The following CTNNA2 variants were observed in gnomAD, a reference collection of about 807,000 sequenced individuals.
The protein encoded by CTNNA2 is catenin alpha 2.
Under a neutral mutation model 101.0 loss-of-function variants are expected in CTNNA2, and 42 were observed. The ratio of observed to expected loss-of-function variants is 0.42; its 90% CI spans 0.32 to 0.54. The LOEUF is 0.54. Ranked by LOEUF, CTNNA2 falls within the 20% of genes least tolerant of loss-of-function variation. The pLI is 0.14. For missense variants in CTNNA2, 871 were observed against 1,223.1 expected (o/e 0.71, Z 4.29); for synonymous variants, 450 against 456.4 (o/e 0.99, Z 0.18).
intron 7 of CTNNA2, among the ~76,000 whole-genome samples, chr2:80,130,823 T>C (rs1020388933): frequency 1.3e-5 from 2 of 151,810 alleles, no homozygotes; most frequent in Non-Finnish European, 2.9e-5. Context: ...AAAGAATTCA[T>C]GAAGCCCAGA....
intron 7 of CTNNA2, among the ~76,000 whole-genome samples, chr2:80,001,705 G>A (rs1282492787): frequency 1.3e-5 from 2 of 152,260 alleles, no homozygotes; most frequent in Non-Finnish European, 2.9e-5. Context: ...GGATCCTGAT[G>A]TTGAGGAAGG....
intron 9 of CTNNA2, among the ~76,000 whole-genome samples, chr2:80,487,366 C>A (rs1321080130): frequency 1.3e-5 from 2 of 151,144 alleles, no homozygotes; most frequent in African/African-American, 4.9e-5. Flanking sequence ...CTATAAAGAA[C>A]TGCTGAAGAC....
chr2:80,042,139 A>G (rs1299462810), intron 7 of CTNNA2, among the ~76,000 whole-genome samples: 1 of 152,006 alleles, frequency 6.6e-6, no homozygotes, highest in Non-Finnish European at 1.5e-5. Context: ...TAATTTTTGT[A>G]TTTTTAGTGG....
intron 9 of CTNNA2, among the ~76,000 whole-genome samples, chr2:80,503,806 G>A (rs1688060549): frequency 1.3e-5 from 2 of 152,042 alleles, no homozygotes; most frequent in South Asian, 4.2e-4. Flanking sequence ...ACCAGATAGT[G>A]GCTGAACAGA....
At chr2:79,635,980 G>A (rs188359448) in intron 1 of CTNNA2, among the ~76,000 whole-genome samples, 226 of 151,392 alleles carry the variant, frequency 1.5e-3, no homozygotes, top group African/African-American at 4.7e-3. Flanking sequence ...AGATGTGGGG[G>A]GCCGGGTGCG....
rs575292029 is a variant in CTNNA2 at position 80,521,908 on chromosome 2, C to T, written c.1291-23074C>T. Among the ~76,000 whole-genome samples the T allele has an allele frequency of 3.3e-5, 5 of 152,190 alleles. No homozygotes were observed. In the East Asian group the frequency reaches 7.7e-4, roughly 24 times the overall value. On this transcript the variant is annotated intron_variant, in intron 9 of 18. Coordinates refer to ENST00000402739, the MANE Select transcript of CTNNA2 (RefSeq NM_001282597.3). Reference sequence around the variant, plus strand: ...CAAAACTGCATTACTTCAGAAGAAGCAGAAAAGTCATAGGTAGAGAAAGAA... The same window carrying T: ...CAAAACTGCATTACTTCAGAAGAAGTAGAAAAGTCATAGGTAGAGAAAGAA...
At chr2:80,018,104 G>C (rs6743659) in intron 7 of CTNNA2, among the ~76,000 whole-genome samples, 2,561 of 152,260 alleles carry the variant, frequency 0.017, 76 homozygotes, top group African/African-American at 0.058. Flanking sequence ...GAAAATACCT[G>C]AGAATGTTAT....
intron 2 of CTNNA2, among the ~76,000 whole-genome samples, chr2:79,266,239 G>A (rs1265187776): frequency 6.6e-6 from 1 of 152,070 alleles, no homozygotes; most frequent in African/African-American, 2.4e-5. Context: ...CAGCAGGACT[G>A]ATATGCTGGA....
chr2:80,306,401 TTTCTTTCTTTCTTTC>T (rs1322762934), intron 7 of CTNNA2, among the ~76,000 whole-genome samples: 7 of 27,462 alleles, frequency 2.5e-4, no homozygotes, highest in African/African-American at 7.4e-4. Flanking sequence ...TTTCTTTTCT[TTTCTTTCTTTCTTTC>T]TTTCTTTCTT....
intron 3 of CTNNA2, among the ~76,000 whole-genome samples, chr2:79,338,572 CTCATCATCTTCT>C (rs1393019370): frequency 1.3e-4 from 17 of 127,164 alleles, no homozygotes; most frequent in Non-Finnish European, 2.0e-4. Flanking sequence ...CTTCTTCCTC[CTCATCATCTTCT>C]TCTTCTTCTT....
At chr2:79,558,940 T>C (rs1385452760) in intron 1 of CTNNA2, among the ~76,000 whole-genome samples, 2 of 151,712 alleles carry the variant, frequency 1.3e-5, no homozygotes, top group African/African-American at 4.8e-5. Flanking sequence ...CTCTCTCCTC[T>C]CTTTCTCTGT....
intron 7 of CTNNA2, among the ~76,000 whole-genome samples, chr2:80,384,301 G>T (rs778322960): frequency 4.6e-5 from 7 of 151,988 alleles, no homozygotes; most frequent in African/African-American, 1.7e-4. Flanking sequence ...CACACTACCT[G>T]CATGACGGAT....
intron 7 of CTNNA2, among the ~76,000 whole-genome samples, chr2:80,147,058 T>G (rs1703394300): frequency 6.6e-6 from 1 of 151,644 alleles, no homozygotes. Flanking sequence ...CTCCGCCTCC[T>G]GGGTTCAAGC....
At chr2:80,574,567 A>G (rs1217929266) in intron 13 of CTNNA2, among the ~76,000 whole-genome samples, 1 of 152,176 alleles carries the variant, frequency 6.6e-6, no homozygotes, top group Non-Finnish European at 1.5e-5. Context: ...CCTCAGTTTC[A>G]TACAACCTTT....
rs181716638 is a variant in CTNNA2 at position 80,188,828 on chromosome 2, G to A, written c.1057-204383G>A. 6.6e-5 allele frequency among the ~76,000 whole-genome samples: 10 copies of A among 152,222 alleles called. No homozygotes were observed. The East Asian group carries it at 1.9e-3, about 29-fold the overall frequency. Reference sequence around the variant, plus strand: ...TGAAAAGGTCTTTTTGCCATGTAAGGCAACACATTTGCAGGGTCCTGAGAT... The same window carrying A: ...TGAAAAGGTCTTTTTGCCATGTAAGACAACACATTTGCAGGGTCCTGAGAT... On this transcript the variant is annotated intron_variant, in intron 7 of 18. Transcript: ENST00000402739.
At chr2:79,655,044 T>A (rs1224799079) in intron 2 of CTNNA2, among the ~76,000 whole-genome samples, 1 of 152,188 alleles carries the variant, frequency 6.6e-6, no homozygotes, top group Non-Finnish European at 1.5e-5. Context: ...TGATGTTGTG[T>A]TTTATAAAAT....
intron 2 of CTNNA2, among the ~76,000 whole-genome samples, chr2:79,301,714 T>G (rs1301656754): frequency 2.0e-5 from 3 of 152,138 alleles, no homozygotes; most frequent in African/African-American, 7.2e-5. Flanking sequence ...TGTGAAGCTT[T>G]CCCAATAGGA....
At chr2:79,930,359 T>A (rs2974148) in intron 7 of CTNNA2, among the ~76,000 whole-genome samples, 3,078 of 104,630 alleles carry the variant, frequency 0.029, 101 homozygotes, top group African/African-American at 0.041. Flanking sequence ...AAAGAAAGAA[T>A]GAACACGGGT....
At chr2:79,709,782 G>A (rs1247236663) in intron 2 of CTNNA2, among the ~76,000 whole-genome samples, 1 of 152,088 alleles carries the variant, frequency 6.6e-6, no homozygotes, top group East Asian at 1.9e-4. Context: ...GGTACAGAGC[G>A]AGACCAAAAC....
Sources: allele counts gnomAD v4.1 joint callset (sites outside exome capture counted in the v4.1 genomes callset), GRCh38; gene constraint gnomAD v4.1.1; transcripts MANE v1.5; gene names NCBI Gene and HGNC (gene_info 2026-07-23, HGNC 2026-07-21).